CARF: variants seen among roughly 807,000 people sequenced by gnomAD.
CARF encodes the protein calcium-responsive transcription factor.
Under a neutral mutation model 82.0 loss-of-function variants are expected in CARF, and 57 were observed. That is an observed-to-expected ratio of 0.70 (90% CI 0.56 to 0.87). The LOEUF (loss-of-function observed/expected upper bound fraction) is 0.87. CARF is among the 40% of genes least tolerant of loss of function. The pLI, the probability that CARF is intolerant of heterozygous loss-of-function variation, is 0.00. For missense variants in CARF, 771 were observed against 855.8 expected (o/e 0.90, Z 1.24); for synonymous variants, 268 against 290.1 (o/e 0.92, Z 0.77).
intron 12 of CARF, chr2:202,973,341 T>C (rs2105919608): frequency 8.5e-6 from 3 of 351,586 alleles, no homozygotes; most frequent in Admixed American, 3.9e-5. Flanking sequence ...TATAATACAG[T>C]TCTGCGATTT....
chr2:202,927,800 CTT>C lies in CARF; in HGVS notation c.-44+3400_-44+3401del, dbSNP rs766636748. 5.8e-3 allele frequency among the ~76,000 whole-genome samples: 806 copies of C among 137,896 alleles called. 9 individuals are homozygous for C. The highest frequency in any genetic ancestry group is 0.019 in the African/African-American group (725 of 38,004). The allele number at this position is 137,896 out of a possible 152,430, so 90.5% of individuals were successfully genotyped here. A position where few individuals can be genotyped will look rare whatever the true frequency, so the allele number is the denominator to read the frequency against. Reference sequence around the variant, plus strand: ...GAACTTATTCCTCCTATCTAGCTGTCTTTTTTTTTTTTTTTTGAGACAGGGTC... The same window carrying C: ...GAACTTATTCCTCCTATCTAGCTGTCTTTTTTTTTTTTTTGAGACAGGGTC... On this transcript the variant is annotated intron_variant, in intron 3 of 16. Coordinates refer to ENST00000438828, the MANE Select transcript of CARF (RefSeq NM_024744.17).
chr2:202,972,186 T>C (rs1259335590), intron 12 of CARF, among the ~76,000 whole-genome samples: 1 of 151,984 alleles, frequency 6.6e-6, no homozygotes, highest in Non-Finnish European at 1.5e-5. Flanking sequence ...CTGGTCTAAG[T>C]TTTTTGATCC....
At chr2:202,969,813 G>A in intron 10 of CARF, 106 bp from the exon 11 acceptor site, 1 of 684,856 alleles carries the variant, frequency 1.5e-6, no homozygotes, top group South Asian at 3.4e-5. Flanking sequence ...CAGATAAATT[G>A]AATTTTCTCT....
At chr2:202,935,841 G>C (rs945538904) in intron 3 of CARF, among the ~76,000 whole-genome samples, 2 of 152,108 alleles carry the variant, frequency 1.3e-5, no homozygotes, top group African/African-American at 4.8e-5. Flanking sequence ...TTTAGGGACA[G>C]AGTCTCACTC....
chr2:202,943,343 G>A (rs1255545678), intron 5 of CARF, among the ~76,000 whole-genome samples: 1 of 152,044 alleles, frequency 6.6e-6, no homozygotes, highest in African/African-American at 2.4e-5. Context: ...CAAAGTTCTG[G>A]GATTACAGGC....
intron 5 of CARF, among the ~76,000 whole-genome samples, chr2:202,947,061 A>G (rs930683109): frequency 1.1e-4 from 16 of 152,226 alleles, no homozygotes; most frequent in African/African-American, 3.9e-4. Flanking sequence ...TGTGGAAGAC[A>G]GTGTGATGAT....
rs2060411638 is a variant in CARF at position 202,985,771 on chromosome 2, G to A, written c.*2147G>A. 1 of 152,026 alleles carries A rather than the reference G, an allele frequency of 6.6e-6. No individual in the cohort carries two copies. 9.4% of individuals were successfully genotyped at this position (152,026 alleles called of 1,614,324 possible). A position where few individuals can be genotyped will look rare whatever the true frequency, so the allele number is the denominator to read the frequency against. ...CTCAATAGTGGTAATAGTGGTAATGGTTTATTATTAGCTGTTTCACCAATT... is the reference window on the plus strand; with the variant it reads ...CTCAATAGTGGTAATAGTGGTAATGATTTATTATTAGCTGTTTCACCAATT... On this transcript the variant is annotated 3_prime_UTR_variant, in exon 17 of 17. Coordinates refer to ENST00000438828, the MANE Select transcript of CARF (RefSeq NM_024744.17).
At chr2:202,964,872 T>C (rs546417844) in intron 9 of CARF, among the ~76,000 whole-genome samples, 6 of 129,922 alleles carry the variant, frequency 4.6e-5, no homozygotes, top group African/African-American at 1.1e-4. Flanking sequence ...TATATATATA[T>C]ACATATATGT....
chr2:202,955,825 C>G lies in CARF; in HGVS notation c.642+67C>G, dbSNP rs182652325. 1,573 of 1,200,592 alleles carry G rather than the reference C, an allele frequency of 1.3e-3. 42 individuals are homozygous for G. In the Admixed American group the frequency reaches 0.03, roughly 23 times the overall value. The allele number at this position is 1,200,592 out of a possible 1,614,324, so 74.4% of individuals were successfully genotyped here. A position where few individuals can be genotyped will look rare whatever the true frequency, so the allele number is the denominator to read the frequency against. On this transcript the variant is annotated intron_variant, in intron 8 of 16. Transcript: ENST00000438828. ...TATAACCACAGGTCATCCCCAAATGCCACTTTTGAGTACAACTAATATAGT... is the reference window on the plus strand; with the variant it reads ...TATAACCACAGGTCATCCCCAAATGGCACTTTTGAGTACAACTAATATAGT...
At chr2:202,982,498 T>A in intron 16 of CARF, 57 bp downstream of exon 16, 1 of 1,554,626 alleles carries the variant, frequency 6.4e-7, no homozygotes, top group Non-Finnish European at 8.8e-7. Flanking sequence ...TTATCATCAC[T>A]ATATTATACT....
chr2:202,940,830 G>A (rs1402293982), intron 3 of CARF, among the ~76,000 whole-genome samples: 1 of 152,012 alleles, frequency 6.6e-6, no homozygotes, highest in East Asian at 1.9e-4. Flanking sequence ...GGAGGGGAGG[G>A]CGGTCACTGG....
At chr2:202,928,161 A>G (rs1003302048) in intron 3 of CARF, among the ~76,000 whole-genome samples, 15 of 152,080 alleles carry the variant, frequency 9.9e-5, no homozygotes, top group Non-Finnish European at 1.5e-4. Flanking sequence ...AGTAACCATT[A>G]TTCTACTCCC....
At chr2:202,936,988 G>A (rs1422253869) in intron 3 of CARF, among the ~76,000 whole-genome samples, 1 of 152,144 alleles carries the variant, frequency 6.6e-6, no homozygotes, top group Non-Finnish European at 1.5e-5. Context: ...ATATGAGGTA[G>A]GAGTTCAACA....
At position 202,974,467 on chromosome 2, in the gene CARF, G is replaced by A. The variant is rs2059943395; in HGVS notation, c.1465G>A (p.Val489Ile). ...VQKSLRNGDT[V>I]YNSEIIPATL... ...GAAATCCTTGAGAAATGGAGATACG[G>A]TATATAACTCAGAGATTATTCCAGC... The change falls in exon 13 of 17, where the codon GTA becomes ATA. Residue 489 changes from valine to isoleucine, a missense_variant. Coordinates refer to ENST00000438828, the MANE Select transcript of CARF (RefSeq NM_024744.17). The A allele has an allele frequency of 1.2e-6, 2 of 1,603,848 alleles. No individual in the cohort carries two copies. The highest frequency in any genetic ancestry group is 1.3e-5 in the African/African-American group (1 of 74,222).
At position 202,969,110 on chromosome 2, in the gene CARF, T is replaced by G. The variant is rs144996851; in HGVS notation, c.954-809T>G. On this transcript the variant is annotated intron_variant, in intron 10 of 16. Transcript: ENST00000438828. ...TTTGAGACCAGCCTGACCAACATGG[T>G]GAAACCCCGTCTCTACTAAAAATAC... Among the ~76,000 whole-genome samples the G allele has an allele frequency of 6.6e-3, 996 of 151,666 alleles. 9 individuals carry two copies. The highest frequency in any genetic ancestry group is 0.023 in the African/African-American group (934 of 41,308).
intron 2 of CARF, among the ~76,000 whole-genome samples, chr2:202,923,485 A>G (rs1276520378): frequency 2.0e-5 from 3 of 152,222 alleles, no homozygotes; most frequent in Non-Finnish European, 2.9e-5. Flanking sequence ...CAACATATAC[A>G]AATGGAAACA....
rs1238998934 is a variant in CARF, at chr2:202,986,227, A to G, written c.*2603A>G. ...TCATCTAAATGCATGTTTAGTCACA[A>G]TGTATCAGTATTGTGTTTAAAGGTG... On this transcript the variant is annotated 3_prime_UTR_variant, in exon 17 of 17. Coordinates refer to ENST00000438828, the MANE Select transcript of CARF (RefSeq NM_024744.17). 2 of 152,152 alleles carry G rather than the reference A, an allele frequency of 1.3e-5. No homozygotes were observed. Among genetic ancestry groups the G allele is most frequent in the East Asian group, 1.9e-4 (1 of 5,204 alleles). 9.4% of individuals were successfully genotyped at this position (152,152 alleles called of 1,614,324 possible).
At position 202,967,036 on chromosome 2, in the gene CARF, A is replaced by G; in HGVS notation, c.891A>G (p.Leu297=). The G allele has an allele frequency of 6.2e-7, 1 of 1,613,874 alleles. No individual in the cohort carries two copies. The highest frequency in any genetic ancestry group is 8.5e-7 in the Non-Finnish European group (1 of 1,179,852). ...GGCCAAGAAGAAAAGGTTTCCAGTT[A>G]AAAAAAGTCAGTGAGCAGGAAAGCA... ...QYGPRRKGFQ[L]KKVSEQESRS... The change falls in exon 10 of 17, where the codon TTA becomes TTG. Residue 297 remains leucine, a synonymous_variant. Transcript: ENST00000438828.
intron 10 of CARF, among the ~76,000 whole-genome samples, chr2:202,967,689 C>A (rs1322744199): frequency 6.6e-6 from 1 of 152,174 alleles, no homozygotes; most frequent in Non-Finnish European, 1.5e-5. Flanking sequence ...CAGTTATTAA[C>A]ATTGTACATA....
Sources: allele counts gnomAD v4.1 joint callset (sites outside exome capture counted in the v4.1 genomes callset), GRCh38; gene constraint gnomAD v4.1.1; transcripts MANE v1.5; gene names NCBI Gene and HGNC (gene_info 2026-07-23, HGNC 2026-07-21).